Variants in MERTK observed in about 807,000 individuals in gnomAD.
MERTK encodes MER proto-oncogene, tyrosine kinase.
In MERTK, 69 loss-of-function variants were observed where a neutral mutation model predicts 99.3. That is an observed-to-expected ratio of 0.70 (90% CI 0.57 to 0.85). MERTK has a LOEUF of 0.85. Among genes scored for constraint, MERTK ranks in the 40% least tolerant of loss-of-function variants. The probability of loss-of-function intolerance (pLI) is 0.00; values close to 1 mark genes in which losing one functional copy is unlikely to be tolerated. For synonymous variants in MERTK, 426 were observed against 467.6 expected (o/e 0.91, Z 1.15); for missense variants, 1,125 against 1,249.4 (o/e 0.90, Z 1.50).
At chr2:111,924,464 C>T (rs1684518466) in intron 1 of MERTK, among the ~76,000 whole-genome samples, 1 of 152,206 alleles carries the variant, frequency 6.6e-6, no homozygotes, top group South Asian at 2.1e-4. Flanking sequence ...TTGCTGTCAG[C>T]CCCCTCTTCT....
intron 13 of MERTK, among the ~76,000 whole-genome samples, chr2:112,005,633 G>A (rs1340335863): frequency 1.3e-5 from 2 of 152,196 alleles, no homozygotes; most frequent in Non-Finnish European, 2.9e-5. Context: ...AAAATAGGTC[G>A]TGGTCACGTG....
intron 4 of MERTK, 95 bp from the exon 5 acceptor site, chr2:111,965,095 AC>A: frequency 1.6e-6 from 2 of 1,222,340 alleles, no homozygotes; most frequent in South Asian, 2.6e-5. Flanking sequence ...AAAGCCATGA[AC>A]CAAGAAATAA....
At chr2:111,947,662 G>C in intron 4 of MERTK, 95 bp downstream of exon 4, 6 of 1,428,398 alleles carry the variant, frequency 4.2e-6, no homozygotes, top group Non-Finnish European at 5.9e-6. Flanking sequence ...GCAGGCAGTG[G>C]AGACAGATGA....
chr2:112,003,155 A>C lies in MERTK; in HGVS notation c.1754A>C (p.Asn585Thr). ...CTAGAAGATGTTGTGATTGACAGGAATCTTCTAATTCTTGGAAAAATTCTG... is the reference window on the plus strand; with the variant it reads ...CTAGAAGATGTTGTGATTGACAGGACTCTTCTAATTCTTGGAAAAATTCTG... ...NKLEDVVIDR[N>T]LLILGKILGE... is the part of the protein sequence containing the mutation. The change falls in exon 12 of 19, where the codon AAT becomes ACT. Residue 585 changes from asparagine (N) to threonine (T), a missense_variant. By Grantham distance (65) the Asn-to-Thr change is moderately conservative. Coordinates refer to ENST00000295408, the MANE Select transcript of MERTK (RefSeq NM_006343.3). 1 of 1,600,124 alleles carries C rather than the reference A, an allele frequency of 6.2e-7. No homozygotes were observed. The highest frequency in any genetic ancestry group is 8.6e-7 in the Non-Finnish European group (1 of 1,167,648).
intron 6 of MERTK, among the ~76,000 whole-genome samples, chr2:111,969,836 C>T (rs1045538093): frequency 1.3e-5 from 2 of 151,984 alleles, no homozygotes; most frequent in African/African-American, 2.4e-5. Flanking sequence ...GGACTACAGG[C>T]CCCCGCCACC....
intron 2 of MERTK, among the ~76,000 whole-genome samples, chr2:111,941,533 T>G (rs1229336271): frequency 1.3e-5 from 2 of 152,128 alleles, no homozygotes; most frequent in African/African-American, 4.8e-5. Context: ...ATGCCTAGAT[T>G]GCTGTTCTGA....
intron 15 of MERTK, among the ~76,000 whole-genome samples, chr2:112,017,466 C>A (rs1425336150): frequency 1.3e-5 from 2 of 152,044 alleles, no homozygotes; most frequent in African/African-American, 2.4e-5. Flanking sequence ...CCCATCTCTA[C>A]TAAAAACATA....
chr2:111,989,360 CTT>C (rs542733750), intron 8 of MERTK, among the ~76,000 whole-genome samples: 5 of 142,436 alleles, frequency 3.5e-5, no homozygotes, highest in Admixed American at 7.0e-5. Flanking sequence ...GTTGTGAATT[CTT>C]TTTTTTTTTT....
chr2:112,022,445 T>G, intron 18 of MERTK, 51 bp downstream of exon 18: 3 of 1,613,178 alleles, frequency 1.9e-6, no homozygotes, highest in Non-Finnish European at 2.5e-6. Context: ...GGCAGCCACC[T>G]GGCTCTGCAC....
At chr2:111,946,694 A>G (rs566946216) in intron 3 of MERTK, among the ~76,000 whole-genome samples, 1 of 152,314 alleles carries the variant, frequency 6.6e-6, no homozygotes, top group African/African-American at 2.4e-5. Flanking sequence ...GGACAGATCT[A>G]TTACATAGCT....
At chr2:112,021,031 TAAA>T (rs763950331) in intron 16 of MERTK, among the ~76,000 whole-genome samples, 3 of 115,814 alleles carry the variant, frequency 2.6e-5, no homozygotes, top group Admixed American at 1.8e-4. Flanking sequence ...CCATGTCTAC[TAAA>T]AAAAAAAAAA....
At chr2:112,001,172 G>A (rs367795125) in intron 10 of MERTK, 29 bp from the exon 11 acceptor site, 2 of 1,563,910 alleles carry the variant, frequency 1.3e-6, no homozygotes, top group Admixed American at 1.7e-5. Context: ...TGTTTTTATA[G>A]TGAAGTATCT....
rs560214633 is a variant in MERTK at position 111,996,706 on chromosome 2, G to A, written c.1451-617G>A. Among the ~76,000 whole-genome samples the A allele has an allele frequency of 1.1e-4, 16 of 152,194 alleles. No individual in the cohort carries two copies. The South Asian group carries it at 1.7e-3, about 16-fold the overall frequency. On this transcript the variant is annotated intron_variant, in intron 9 of 18. Coordinates refer to ENST00000295408, the MANE Select transcript of MERTK (RefSeq NM_006343.3). ...AGGTTGAAAATGTCCCAGAGAAAGC[G>A]ACACTGTCAAAAAACAGCATTGAAG...
intron 4 of MERTK, among the ~76,000 whole-genome samples, chr2:111,951,788 T>A (rs1472067836): frequency 6.6e-6 from 1 of 151,994 alleles, no homozygotes; most frequent in Non-Finnish European, 1.5e-5. Flanking sequence ...AATTTACATT[T>A]TCATCAACAG....
chr2:111,910,706 G>A (rs1159138724), intron 1 of MERTK, among the ~76,000 whole-genome samples: 6 of 152,014 alleles, frequency 3.9e-5, no homozygotes. Context: ...GGAACTGGAA[G>A]ACATTTGGTT....
chr2:111,944,530 A>AATATTCCTTAAAATAATTCCTCTG (rs1684925712), intron 2 of MERTK, among the ~76,000 whole-genome samples: 1 of 152,202 alleles, frequency 6.6e-6, no homozygotes, highest in Non-Finnish European at 1.5e-5. Flanking sequence ...GTTTTAAGGA[A>AATATTCCTTAAAATAATTCCTCTG]TTAGCTCACA....
At chr2:112,009,401 T>C (rs1402000168) in intron 14 of MERTK, among the ~76,000 whole-genome samples, 1 of 152,210 alleles carries the variant, frequency 6.6e-6, no homozygotes, top group Non-Finnish European at 1.5e-5. Flanking sequence ...TAGCTTCTCT[T>C]TTGCAAAACT....
intron 1 of MERTK, chr2:111,913,029 T>A (rs1684281818): frequency 1.0e-6 from 1 of 985,334 alleles, no homozygotes; most frequent in Non-Finnish European, 1.2e-6. Context: ...GAAGACTGTC[T>A]AGGTAAAAGG....
intron 4 of MERTK, chr2:111,952,311 G>A (rs962087127): frequency 6.4e-6 from 1 of 155,630 alleles, no homozygotes; most frequent in African/African-American, 2.4e-5. Flanking sequence ...ATTACATGAT[G>A]ATCTGAAAAG....
Sources: gnomAD v4.1 joint callset for allele counts (sites outside exome capture counted in the v4.1 genomes callset) on GRCh38, gnomAD v4.1.1 for gene constraint, MANE v1.5 for transcripts, NCBI Gene and HGNC (gene_info 2026-07-23, HGNC 2026-07-21) for gene names.